CCDC102B: variants seen among roughly 807,000 people sequenced by gnomAD.
The protein encoded by CCDC102B is coiled-coil domain containing 102B, also known as coiled-coil domain-containing protein 102B.
Under a neutral mutation model 57.4 loss-of-function variants are expected in CCDC102B, and 75 were observed. The ratio of observed to expected loss-of-function variants is 1.31; its 90% CI spans 1.08 to 1.58. The LOEUF (loss-of-function observed/expected upper bound fraction) is 1.58, where lower values mean the gene tolerates loss of function less well. CCDC102B is among the 40% of genes most tolerant of loss of function. The probability of loss-of-function intolerance (pLI) is 0.00; values close to 1 mark genes in which losing one functional copy is unlikely to be tolerated. For synonymous variants in CCDC102B, 206 were observed against 201.9 expected, an observed-to-expected ratio of 1.02 and a Z score of -0.17; for missense variants, 636 against 582.6, an observed-to-expected ratio of 1.09 and a Z score of -0.94.
At chr18:68,755,036 T>C (rs1304609451) in intron 2 of CCDC102B, 1 of 152,202 alleles carries the variant, frequency 6.6e-6, no homozygotes, top group Non-Finnish European at 1.5e-5. Flanking sequence ...TATAGCAACC[T>C]GAATGGAATA....
At chr18:68,756,937 G>A (rs2034072865) in intron 2 of CCDC102B, among the ~76,000 whole-genome samples, 1 of 151,962 alleles carries the variant, frequency 6.6e-6, no homozygotes, top group South Asian at 2.1e-4. Context: ...GTCTATGCGT[G>A]TGTGGGTAAC....
At chr18:68,993,476 A>T (rs974259029) in intron 6 of CCDC102B, 2 of 152,220 alleles carry the variant, frequency 1.3e-5, no homozygotes, top group Non-Finnish European at 2.9e-5. Context: ...CCTGTAATAA[A>T]GATACACAGT....
chr18:68,929,019 A>G (rs1051590085), intron 6 of CCDC102B, among the ~76,000 whole-genome samples: 2 of 151,954 alleles, frequency 1.3e-5, no homozygotes, highest in African/African-American at 4.8e-5. Context: ...GCTGGAGACC[A>G]GGAATACGTG....
intron 6 of CCDC102B, among the ~76,000 whole-genome samples, chr18:68,948,787 G>C (rs2049611338): frequency 6.6e-6 from 1 of 152,096 alleles, no homozygotes; most frequent in Non-Finnish European, 1.5e-5. Context: ...GTGGTTCTAA[G>C]TGCCGAGTGT....
intron 2 of CCDC102B, among the ~76,000 whole-genome samples, chr18:68,743,506 C>G (rs2033492281): frequency 6.6e-6 from 1 of 152,184 alleles, no homozygotes; most frequent in African/African-American, 2.4e-5. Flanking sequence ...GTTCAATTCA[C>G]AAAGCACATT....
chr18:69,034,408 C>G (rs1235318739), intron 7 of CCDC102B, among the ~76,000 whole-genome samples: 1 of 151,816 alleles, frequency 6.6e-6, no homozygotes, highest in East Asian at 1.9e-4. Context: ...AGTGCAGGTT[C>G]AACTTCATTA....
chr18:69,002,224 T>A (rs1373511951), intron 6 of CCDC102B, among the ~76,000 whole-genome samples: 4 of 152,200 alleles, frequency 2.6e-5, no homozygotes, highest in Admixed American at 2.6e-4. Flanking sequence ...AAAACAGTTA[T>A]TTCTTGCCCG....
intron 4 of CCDC102B, among the ~76,000 whole-genome samples, chr18:68,870,617 C>G (rs905322968): frequency 5.3e-5 from 8 of 152,084 alleles, no homozygotes; most frequent in African/African-American, 1.9e-4. Context: ...TGGAGACATG[C>G]AAATTTGTGT....
chr18:68,817,882 AG>A (rs2036545794), intron 1 of CCDC102B, among the ~76,000 whole-genome samples: 1 of 152,218 alleles, frequency 6.6e-6, no homozygotes, highest in Non-Finnish European at 1.5e-5. Context: ...TCATAAGACA[AG>A]GAAATATCTG....
At chr18:68,931,502 G>C (rs1037228629) in intron 6 of CCDC102B, among the ~76,000 whole-genome samples, 2 of 151,796 alleles carry the variant, frequency 1.3e-5, no homozygotes, top group Non-Finnish European at 2.9e-5. Flanking sequence ...GTTGGGGGGT[G>C]TGAGAGGTGG....
chr18:68,730,798 A>C (rs1303859364), intron 2 of CCDC102B, among the ~76,000 whole-genome samples: 1 of 152,220 alleles, frequency 6.6e-6, no homozygotes, highest in African/African-American at 2.4e-5. Flanking sequence ...TGTCTTCTAC[A>C]TGATGTATTT....
intron 2 of CCDC102B, among the ~76,000 whole-genome samples, chr18:68,738,042 A>C (rs922967764): frequency 2.0e-5 from 3 of 152,178 alleles, no homozygotes; most frequent in Non-Finnish European, 4.4e-5. Context: ...TAATGTGTGT[A>C]TTGCATAATA....
At chr18:68,759,673 T>TAC (rs2034188841) in intron 2 of CCDC102B, among the ~76,000 whole-genome samples, 1 of 152,162 alleles carries the variant, frequency 6.6e-6, no homozygotes, top group Non-Finnish European at 1.5e-5. Context: ...AGTATTCATT[T>TAC]ATTTTTATAA....
intron 3 of CCDC102B, among the ~76,000 whole-genome samples, chr18:68,841,344 A>G (rs537594097): frequency 6.6e-6 from 1 of 152,304 alleles, no homozygotes; most frequent in South Asian, 2.1e-4. Flanking sequence ...CTCATCAAAT[A>G]GATGAAACTT....
intron 2 of CCDC102B, among the ~76,000 whole-genome samples, chr18:68,769,109 C>T (rs1184638273): frequency 5.9e-5 from 9 of 151,972 alleles, no homozygotes; most frequent in Admixed American, 3.3e-4. Context: ...CAAAATTTGC[C>T]GGGCATGGTG....
chr18:68,911,710 C>G, intron 6 of CCDC102B, among the ~76,000 whole-genome samples: 1 of 126,510 alleles, frequency 7.9e-6, no homozygotes, highest in African/African-American at 3.4e-5. Flanking sequence ...CGAGATCGCG[C>G]CACTGCACTC....
At chr18:68,774,049 C>T (rs1391608496) in intron 2 of CCDC102B, among the ~76,000 whole-genome samples, 5 of 151,900 alleles carry the variant, frequency 3.3e-5, no homozygotes, top group Admixed American at 2.0e-4. Context: ...GAAACACACA[C>T]ACACAAATTA....
intron 6 of CCDC102B, among the ~76,000 whole-genome samples, chr18:68,973,706 G>T (rs1418273540): frequency 6.6e-6 from 1 of 152,072 alleles, no homozygotes. Context: ...TTAACAAGAG[G>T]TTAAATGCTA....
chr18:68,802,347 T>C (rs2035884757), intron 1 of CCDC102B, among the ~76,000 whole-genome samples: 1 of 152,216 alleles, frequency 6.6e-6, no homozygotes, highest in South Asian at 2.1e-4. Context: ...ACTTAAGTTA[T>C]AGAATTTATG....
Sources: allele counts gnomAD v4.1 joint callset (sites outside exome capture counted in the v4.1 genomes callset), GRCh38; gene constraint gnomAD v4.1.1; transcripts MANE v1.5; gene names NCBI Gene and HGNC (gene_info 2026-07-23, HGNC 2026-07-21).